The following TBC1D20 variants were observed in gnomAD, a reference collection of about 807,000 sequenced individuals.
The protein encoded by TBC1D20 is chromosome 20 open reading frame 140.
In TBC1D20, 12 loss-of-function variants were observed where a neutral mutation model predicts 41.6. That is an observed-to-expected ratio of 0.29 (90% confidence interval 0.18 to 0.47). The LOEUF (loss-of-function observed/expected upper bound fraction) is 0.47. TBC1D20 is among the 20% of genes least tolerant of loss of function. The pLI, the probability that TBC1D20 is intolerant of heterozygous loss-of-function variation, is 1.00. For synonymous variants in TBC1D20, 205 were observed against 204.8 expected, an observed-to-expected ratio of 1.00 and a Z score of -0.01; for missense variants, 421 against 517.4, an observed-to-expected ratio of 0.81 and a Z score of 1.81.
At chr20:449,685 C>G (rs952188169) in intron 1 of TBC1D20, among the ~76,000 whole-genome samples, 1 of 152,196 alleles carries the variant, frequency 6.6e-6, no homozygotes, top group Non-Finnish European at 1.5e-5. Flanking sequence ...GATCCATAAT[C>G]TTGGACAGAT....
chr20:441,985 G>A lies in TBC1D20; in HGVS notation c.396C>T (p.Leu132=), dbSNP rs777368985. The A allele has an allele frequency of 1.9e-6, 3 of 1,614,110 alleles. No homozygotes were observed. Among genetic ancestry groups the A allele is most frequent in the Non-Finnish European group, 2.5e-6 (3 of 1,180,018 alleles). ...LQEELIDIIL[L]ILERNPQLHY... is the part of the protein sequence containing the mutation. ...GCAGCTGAGGGTTGCGCTCCAAGAT[G>A]AGGAGGATGATGTCAATCAGTTCTT... Residue 132 remains leucine, a synonymous_variant, in exon 4 of 8, where the codon CTC becomes CTT. Coordinates refer to ENST00000354200, the MANE Select transcript of TBC1D20 (RefSeq NM_144628.4).
intron 6 of TBC1D20, 86 bp downstream of exon 6, chr20:440,162 T>C (rs889362702): frequency 1.1e-5 from 16 of 1,512,874 alleles, no homozygotes; most frequent in African/African-American, 1.4e-5. Flanking sequence ...CATCTTTCCA[T>C]AATCCCCAGG....
chr20:457,133 T>G (rs1343907863), intron 1 of TBC1D20, among the ~76,000 whole-genome samples: 3 of 150,462 alleles, frequency 2.0e-5, no homozygotes, highest in Non-Finnish European at 4.4e-5. Flanking sequence ...ACAGGGTTTT[T>G]CCATGTTGGT....
rs181636545 is a variant in TBC1D20 at position 449,114 on chromosome 20, G to A, written c.71-1040C>T. Among the ~76,000 whole-genome samples the A allele has an allele frequency of 7.8e-3, 1,135 of 146,434 alleles. 6 individuals are homozygous for A. The highest frequency in any genetic ancestry group is 0.013 in the Non-Finnish European group (841 of 66,862). On this transcript the variant is annotated intron_variant, in intron 1 of 7. Coordinates refer to ENST00000354200, the MANE Select transcript of TBC1D20 (RefSeq NM_144628.4). ...CCTGCCTCGGTCTCCCAAAGTGCTAGGATTACAGGTGTGAGCCACCACGCC... is the reference window on the plus strand; with the variant it reads ...CCTGCCTCGGTCTCCCAAAGTGCTAAGATTACAGGTGTGAGCCACCACGCC...
At position 435,609 on chromosome 20, in the gene TBC1D20, G is replaced by C. The variant is rs534597249; in HGVS notation, c.*2977C>G. The C allele has an allele frequency of 1.3e-5, 2 of 153,610 alleles. No individual in the cohort carries two copies. The highest frequency in any genetic ancestry group is 1.3e-4 in the Admixed American group (2 of 15,290). The allele number at this position is 153,610 out of a possible 1,614,324, so 9.5% of individuals were successfully genotyped here. ...ATGCTGGAGCTTCTGTCCCCATGGA[G>C]TGGGGGTGCGCCACCCTCTTGGCAC... On this transcript the variant is annotated 3_prime_UTR_variant, in exon 8 of 8. Coordinates refer to ENST00000354200, the MANE Select transcript of TBC1D20 (RefSeq NM_144628.4).
rs116453975 is a variant in TBC1D20, at chr20:461,455, G to T, written c.70+881C>A. Reference sequence around the variant, plus strand: ...TCATAGAGTAGCCTCTAAGTCCTGGGCTCAAGCGATCCTCCTGCCTCAGCC... The same window carrying T: ...TCATAGAGTAGCCTCTAAGTCCTGGTCTCAAGCGATCCTCCTGCCTCAGCC... On this transcript the variant is annotated intron_variant, in intron 1 of 7. Transcript: ENST00000354200. 4.0e-3 allele frequency among the ~76,000 whole-genome samples: 614 copies of T among 152,258 alleles called. 1 individual carries two copies. Among genetic ancestry groups the T allele is most frequent in the African/African-American group, 0.014 (571 of 41,542 alleles).
At position 442,048 on chromosome 20, in the gene TBC1D20, G is replaced by A; in HGVS notation, c.338-5C>T. On this transcript the variant is annotated splice_region_variant and splice_polypyrimidine_tract_variant and intron_variant, in intron 3 of 7. Coordinates refer to ENST00000354200, the MANE Select transcript of TBC1D20 (RefSeq NM_144628.4). ...CTCTCTGTTCCTCTGGCATGCCTGG[G>A]GACAGGAACAGAGATGCCTTTGAAC... The A allele has an allele frequency of 6.2e-7, 1 of 1,606,958 alleles. No homozygotes were observed. The highest frequency in any genetic ancestry group is 1.1e-5 in the South Asian group (1 of 90,684).
At chr20:461,626 C>T (rs1286440370) in intron 1 of TBC1D20, among the ~76,000 whole-genome samples, 2 of 152,186 alleles carry the variant, frequency 1.3e-5, no homozygotes, top group African/African-American at 2.4e-5. Context: ...CCTCCCAAAG[C>T]GCTGGGATTA....
intron 1 of TBC1D20, among the ~76,000 whole-genome samples, chr20:454,041 C>T (rs2017498251): frequency 6.7e-6 from 1 of 148,494 alleles, no homozygotes. Flanking sequence ...GAGATCGAGA[C>T]CATCTTGGCT....
At chr20:440,711 C>T (rs1422641457) in intron 5 of TBC1D20, 2 of 231,262 alleles carry the variant, frequency 8.6e-6, no homozygotes, top group Non-Finnish European at 1.6e-5. Context: ...TAAGTCTTAC[C>T]CTTCTGGGGG....
rs920078191 is a variant in TBC1D20 at position 462,502 on chromosome 20, G to T, written c.-97C>A. 2.9e-5 allele frequency: 20 copies of T among 689,000 alleles called. No homozygotes were observed. Among genetic ancestry groups the T allele is most frequent in the South Asian group, 6.1e-5 (1 of 16,508 alleles). 42.7% of individuals were successfully genotyped at this position (689,000 alleles called of 1,614,324 possible). The stretch of plus-strand genomic sequence containing the variant: ...CGGGACGTAGCACCCGCTCGGCATC[G>T]GCAGGCTCCCCTCCGTCGGCCAGCG... On this transcript the variant is annotated 5_prime_UTR_variant, in exon 1 of 8. Transcript: ENST00000354200.
rs1328048841 is a variant in TBC1D20 at position 438,115 on chromosome 20, T to G, written c.*471A>C. On this transcript the variant is annotated 3_prime_UTR_variant, in exon 8 of 8. Transcript: ENST00000354200. ...GCTCCCAGACGAGTCCTTTGGCCTCTTGCTCTCCATCCCAAGCCTGACTCC... is the reference window on the plus strand; with the variant it reads ...GCTCCCAGACGAGTCCTTTGGCCTCGTGCTCTCCATCCCAAGCCTGACTCC... The G allele has an allele frequency of 6.2e-6, 1 of 160,338 alleles. No homozygotes were observed. The highest frequency in any genetic ancestry group is 1.4e-5 in the Non-Finnish European group (1 of 72,250). 9.9% of individuals were successfully genotyped at this position (160,338 alleles called of 1,614,324 possible).
chr20:444,508 T>C (rs2017295238), intron 3 of TBC1D20, among the ~76,000 whole-genome samples: 1 of 152,260 alleles, frequency 6.6e-6, no homozygotes, highest in Non-Finnish European at 1.5e-5. Context: ...CCTTCTTTTC[T>C]TTCTTCCTGA....
At chr20:457,062 G>A (rs938987040) in intron 1 of TBC1D20, among the ~76,000 whole-genome samples, 5 of 149,500 alleles carry the variant, frequency 3.3e-5, no homozygotes, top group African/African-American at 1.2e-4. Flanking sequence ...TCAGCCTCCC[G>A]AGTAGCTGGG....
intron 1 of TBC1D20, among the ~76,000 whole-genome samples, chr20:449,450 C>G (rs1260015502): frequency 6.6e-6 from 1 of 151,480 alleles, no homozygotes; most frequent in Non-Finnish European, 1.5e-5. Context: ...CAAAAATTAG[C>G]CAGGCGTGGT....
intron 1 of TBC1D20, among the ~76,000 whole-genome samples, chr20:458,121 T>C (rs1221542580): frequency 6.6e-6 from 1 of 151,970 alleles, no homozygotes; most frequent in Non-Finnish European, 1.5e-5. Context: ...ATCCACCCCA[T>C]CTCTCTTTCT....
chr20:455,433 C>T (rs1476537606), intron 1 of TBC1D20, among the ~76,000 whole-genome samples: 5 of 152,142 alleles, frequency 3.3e-5, no homozygotes, highest in Admixed American at 1.3e-4. Flanking sequence ...GCCTGACCAA[C>T]ATGGTGAAAC....
In TBC1D20 at chr20:438,464, G is replaced by T; in HGVS notation, c.*122C>A. The T allele has an allele frequency of 8.5e-7, 1 of 1,182,040 alleles. No individual in the cohort carries two copies. The highest frequency in any genetic ancestry group is 1.2e-6 in the Non-Finnish European group (1 of 840,550). The allele number at this position is 1,182,040 out of a possible 1,614,324, so 73.2% of individuals were successfully genotyped here. A position where few individuals can be genotyped will look rare whatever the true frequency, so the allele number is the denominator to read the frequency against. On this transcript the variant is annotated 3_prime_UTR_variant, in exon 8 of 8. Coordinates refer to ENST00000354200, the MANE Select transcript of TBC1D20 (RefSeq NM_144628.4). ...AGGCAAACACAAACGGGCAGGGCAG[G>T]GTGGCAGGAATAAAAAACTCTGGAC... is the stretch of plus-strand genomic sequence containing the variant.
chr20:450,886 G>C (rs1376476032), intron 1 of TBC1D20: 1 of 152,222 alleles, frequency 6.6e-6, no homozygotes, highest in African/African-American at 2.4e-5. Flanking sequence ...GATCAGGGGA[G>C]ATAAAGGAGT....
Sources: gnomAD v4.1 joint callset for allele counts (sites outside exome capture counted in the v4.1 genomes callset) on GRCh38, gnomAD v4.1.1 for gene constraint, MANE v1.5 for transcripts, NCBI Gene and HGNC (gene_info 2026-07-23, HGNC 2026-07-21) for gene names.